The following TEAD1 variants were observed in gnomAD, a reference collection of about 807,000 sequenced individuals.
The protein encoded by TEAD1 is transcriptional enhancer factor TEF-1.
Under a neutral mutation model 54.9 loss-of-function variants are expected in TEAD1, and 9 were observed. The ratio of observed to expected loss-of-function variants is 0.16; its 90% confidence interval spans 0.10 to 0.29. TEAD1 has a LOEUF of 0.29. Ranked by LOEUF, TEAD1 falls within the 10% of genes least tolerant of loss-of-function variation. TEAD1 has a pLI of 1.00. For missense variants in TEAD1, 387 were observed against 535.9 expected (o/e 0.72, Z 2.74); for synonymous variants, 200 against 187.8 (o/e 1.07, Z -0.53).
intron 2 of TEAD1, among the ~76,000 whole-genome samples, chr11:12,722,220 T>A (rs185178762): frequency 1.9e-3 from 283 of 152,278 alleles, no homozygotes; most frequent in African/African-American, 6.4e-3. Flanking sequence ...GGGCCAGGAC[T>A]TTTGAACAGA....
chr11:12,818,657 T>G (rs1946467481), intron 3 of TEAD1, among the ~76,000 whole-genome samples: 1 of 152,218 alleles, frequency 6.6e-6, no homozygotes, highest in South Asian at 2.1e-4. Context: ...GCCTTTGCTG[T>G]CAGAGGAGGT....
At chr11:12,712,657 T>C (rs765932729) in intron 2 of TEAD1, among the ~76,000 whole-genome samples, 8 of 152,250 alleles carry the variant, frequency 5.3e-5, no homozygotes, top group Non-Finnish European at 8.8e-5. Context: ...GTATTGCTGC[T>C]ATCACTACCA....
intron 2 of TEAD1, among the ~76,000 whole-genome samples, chr11:12,761,400 T>C (rs1945100658): frequency 1.3e-5 from 2 of 152,218 alleles, no homozygotes; most frequent in Non-Finnish European, 2.9e-5. Flanking sequence ...TTTAGTGTCT[T>C]AGACACTAAG....
chr11:12,779,538 T>C (rs1159752302), intron 3 of TEAD1, among the ~76,000 whole-genome samples: 1 of 152,148 alleles, frequency 6.6e-6, no homozygotes, highest in East Asian at 1.9e-4. Flanking sequence ...AACTTCAGTG[T>C]GAAGATTAAA....
intron 2 of TEAD1, among the ~76,000 whole-genome samples, chr11:12,675,903 A>G (rs1469381124): frequency 2.6e-5 from 4 of 152,238 alleles, no homozygotes; most frequent in South Asian, 2.1e-4. Flanking sequence ...GTGTCACTAT[A>G]TAAAAATATT....
In TEAD1 at chr11:12,858,439, T is replaced by C. The variant is rs575218333; in HGVS notation, c.203-3811T>C. 2.7e-4 allele frequency among the ~76,000 whole-genome samples: 41 copies of C among 152,304 alleles called. No homozygotes were observed. The East Asian group carries it at 7.1e-3, about 26-fold the overall frequency. ...ATCAGCCTGTATTTCCAAATTAAAA[T>C]GTACAATGAAGTAGCTCATTTAGAC... is the stretch of plus-strand genomic sequence containing the variant. On this transcript the variant is annotated intron_variant, in intron 3 of 12. Transcript: ENST00000527636.
intron 2 of TEAD1, among the ~76,000 whole-genome samples, chr11:12,720,127 C>T (rs767038299): frequency 6.6e-6 from 1 of 151,358 alleles, no homozygotes; most frequent in Non-Finnish European, 1.5e-5. Flanking sequence ...CTAATTAAGT[C>T]AGGAATAATG....
At chr11:12,895,268 A>G (rs1447773494) in intron 9 of TEAD1, among the ~76,000 whole-genome samples, 1 of 152,078 alleles carries the variant, frequency 6.6e-6, no homozygotes, top group South Asian at 2.1e-4. Flanking sequence ...ATTCACCTTT[A>G]TTATTATTTG....
chr11:12,795,844 A>G (rs987174218), intron 3 of TEAD1, among the ~76,000 whole-genome samples: 7 of 152,220 alleles, frequency 4.6e-5, no homozygotes, highest in Non-Finnish European at 7.3e-5. Flanking sequence ...TGAGAACAGT[A>G]AAAGACAAAA....
intron 10 of TEAD1, among the ~76,000 whole-genome samples, chr11:12,907,413 A>G (rs1948539979): frequency 6.6e-6 from 1 of 152,174 alleles, no homozygotes; most frequent in Non-Finnish European, 1.5e-5. Flanking sequence ...GATTCTTTTT[A>G]CTGAGTGTTA....
intron 3 of TEAD1, among the ~76,000 whole-genome samples, chr11:12,780,269 G>A (rs1328542304): frequency 2.1e-5 from 3 of 145,342 alleles, no homozygotes; most frequent in South Asian, 2.2e-4. Flanking sequence ...TTGAGATGGA[G>A]TTTCGCTCTT....
chr11:12,767,287 G>A (rs1945226646), intron 3 of TEAD1, among the ~76,000 whole-genome samples: 1 of 152,308 alleles, frequency 6.6e-6, no homozygotes, highest in Admixed American at 6.5e-5. Context: ...ACCAGACCAG[G>A]AGTCAGGGTT....
intron 12 of TEAD1, among the ~76,000 whole-genome samples, chr11:12,935,256 G>T (rs148462826): frequency 6.6e-6 from 1 of 152,126 alleles, no homozygotes; most frequent in African/African-American, 2.4e-5. Context: ...AGCTCTCTGC[G>T]TGGTGAATAT....
chr11:12,779,754 G>A (rs1050457134), intron 3 of TEAD1, among the ~76,000 whole-genome samples: 2 of 152,142 alleles, frequency 1.3e-5, no homozygotes, highest in African/African-American at 4.8e-5. Flanking sequence ...TTTATCCCAG[G>A]AATGCAAGGT....
At chr11:12,880,865 C>T (rs2134096197) in intron 6 of TEAD1, 140 bp from the exon 7 acceptor site, 1 of 946,194 alleles carries the variant, frequency 1.1e-6, no homozygotes, top group South Asian at 1.3e-5. Context: ...CAAGTGGTGA[C>T]CGCATTTGCA....
intron 3 of TEAD1, among the ~76,000 whole-genome samples, chr11:12,774,038 G>C (rs1945367743): frequency 6.6e-6 from 1 of 152,164 alleles, no homozygotes; most frequent in African/African-American, 2.4e-5. Context: ...AGTTGTTATG[G>C]CTTGGTCGTA....
chr11:12,758,993 T>A (rs1945047378), intron 2 of TEAD1, among the ~76,000 whole-genome samples: 1 of 152,202 alleles, frequency 6.6e-6, no homozygotes, highest in Non-Finnish European at 1.5e-5. Flanking sequence ...ATCCCAGCTC[T>A]TCTCCTGTGA....
At chr11:12,706,165 G>A (rs944043082) in intron 2 of TEAD1, among the ~76,000 whole-genome samples, 1 of 152,212 alleles carries the variant, frequency 6.6e-6, no homozygotes, top group African/African-American at 2.4e-5. Flanking sequence ...AGTATCTGGG[G>A]ATTTTTAGAG....
intron 3 of TEAD1, among the ~76,000 whole-genome samples, chr11:12,794,823 C>T (rs1945880766): frequency 6.6e-6 from 1 of 152,244 alleles, no homozygotes. Flanking sequence ...CTGGACACAT[C>T]TCTCAGCAGC....
Sources: allele counts gnomAD v4.1 joint callset (sites outside exome capture counted in the v4.1 genomes callset), GRCh38; gene constraint gnomAD v4.1.1; transcripts MANE v1.5; gene names NCBI Gene and HGNC (gene_info 2026-07-23, HGNC 2026-07-21).